The following NALF1 variants were observed in gnomAD, a reference collection of about 807,000 sequenced individuals.
The protein encoded by NALF1 is family with sequence similarity 155 member A.
In NALF1, 3 loss-of-function variants were observed where a neutral mutation model predicts 48.4. The observed-to-expected ratio is 0.06, with a 90% CI of 0.03 to 0.16. The LOEUF is 0.16. NALF1 is among the 10% of genes least tolerant of loss of function. NALF1 has a pLI of 1.00. For synonymous variants in NALF1, 262 were observed against 245.7 expected, an observed-to-expected ratio of 1.07 and a Z score of -0.62; for missense variants, 526 against 571.5, an observed-to-expected ratio of 0.92 and a Z score of 0.81.
intron 1 of NALF1, among the ~76,000 whole-genome samples, chr13:107,658,964 T>C (rs996779118): frequency 2.6e-5 from 4 of 152,122 alleles, no homozygotes; most frequent in African/African-American, 9.7e-5. Flanking sequence ...TTATTCCACC[T>C]GCTCCATAAA....
At chr13:107,770,936 T>C (rs116008417) in intron 1 of NALF1, among the ~76,000 whole-genome samples, 1,578 of 152,332 alleles carry the variant, frequency 0.01, 29 homozygotes, top group African/African-American at 0.033. Flanking sequence ...CTTTGGCCTT[T>C]AGCAGACCTT....
intron 1 of NALF1, among the ~76,000 whole-genome samples, chr13:107,857,612 G>A (rs551479529): frequency 1.3e-5 from 2 of 152,112 alleles, no homozygotes; most frequent in Admixed American, 1.3e-4. Flanking sequence ...TTAAAATAGA[G>A]AAAAAAATTC....
intron 1 of NALF1, among the ~76,000 whole-genome samples, chr13:107,666,497 G>A (rs758549318): frequency 1.3e-5 from 2 of 151,968 alleles, no homozygotes; most frequent in African/African-American, 2.4e-5. Flanking sequence ...GCTAATATAG[G>A]TGCCACCGTT....
chr13:107,741,124 C>T (rs2138544263), intron 1 of NALF1, among the ~76,000 whole-genome samples: 1 of 152,258 alleles, frequency 6.6e-6, no homozygotes, highest in East Asian at 1.9e-4. Context: ...ATTAAGACAA[C>T]TAATTTGTGA....
At chr13:107,562,759 T>A (rs1302015411) in intron 1 of NALF1, among the ~76,000 whole-genome samples, 1 of 152,222 alleles carries the variant, frequency 6.6e-6, no homozygotes, top group African/African-American at 2.4e-5. Flanking sequence ...GCAACCAGAA[T>A]AAATTAAATG....
At chr13:107,178,430 A>G (rs1397092705) in intron 2 of NALF1, among the ~76,000 whole-genome samples, 1 of 152,246 alleles carries the variant, frequency 6.6e-6, no homozygotes, top group Non-Finnish European at 1.5e-5. Context: ...AGACATACAA[A>G]TGGCAAACAG....
chr13:107,439,172 T>C (rs1884515545), intron 1 of NALF1, among the ~76,000 whole-genome samples: 2 of 152,186 alleles, frequency 1.3e-5, no homozygotes, highest in Admixed American at 1.3e-4. Flanking sequence ...ACTTATGTGT[T>C]AATTTAGTAT....
chr13:107,767,383 C>T (rs887460297), intron 1 of NALF1, among the ~76,000 whole-genome samples: 3 of 152,148 alleles, frequency 2.0e-5, no homozygotes, highest in African/African-American at 4.8e-5. Context: ...CAGCAAAGAC[C>T]GATTGTCCCC....
At chr13:107,204,010 GCGCC>G (rs1209973110) in intron 2 of NALF1, among the ~76,000 whole-genome samples, 3 of 132,098 alleles carry the variant, frequency 2.3e-5, no homozygotes, top group African/African-American at 5.4e-5. Flanking sequence ...GCAGAGAGGG[GCGCC>G]CACAAGCTCT....
intron 1 of NALF1, among the ~76,000 whole-genome samples, chr13:107,705,785 AAAC>A (rs1290853693): frequency 2.6e-5 from 4 of 152,194 alleles, no homozygotes; most frequent in South Asian, 2.1e-4. Context: ...GCATAGAAAA[AAAC>A]AACAACAGAT....
At chr13:107,227,459 T>C (rs559614153) in intron 1 of NALF1, among the ~76,000 whole-genome samples, 15 of 152,344 alleles carry the variant, frequency 9.8e-5, no homozygotes, top group Admixed American at 5.9e-4. Context: ...TTTTAAAGCA[T>C]CCAAACAGTG....
chr13:107,558,101 A>ATT (rs5806667), intron 1 of NALF1, among the ~76,000 whole-genome samples: 7 of 150,914 alleles, frequency 4.6e-5, no homozygotes, highest in Non-Finnish European at 8.8e-5. Context: ...TGATTCTGAG[A>ATT]TTTTTCCCTG....
chr13:107,389,134 G>C (rs745478619), intron 1 of NALF1, among the ~76,000 whole-genome samples: 2 of 152,148 alleles, frequency 1.3e-5, no homozygotes, highest in Admixed American at 6.5e-5. Flanking sequence ...GAGTGAGAAT[G>C]CCACATAATT....
chr13:107,564,648 A>G (rs936961364), intron 1 of NALF1, among the ~76,000 whole-genome samples: 2 of 152,146 alleles, frequency 1.3e-5, no homozygotes, highest in South Asian at 2.1e-4. Flanking sequence ...CTTAAACACT[A>G]CAAACTGCTA....
chr13:107,598,285 C>T (rs1251124564), intron 1 of NALF1, among the ~76,000 whole-genome samples: 1 of 152,158 alleles, frequency 6.6e-6, no homozygotes, highest in African/African-American at 2.4e-5. Flanking sequence ...GGTAACAATC[C>T]CTTTTTTCTT....
intron 1 of NALF1, among the ~76,000 whole-genome samples, chr13:107,824,264 A>C (rs1373714685): frequency 1.3e-5 from 2 of 152,038 alleles, no homozygotes; most frequent in Non-Finnish European, 2.9e-5. Flanking sequence ...CCATATCACT[A>C]AATTGTCTGA....
intron 1 of NALF1, among the ~76,000 whole-genome samples, chr13:107,408,817 T>A (rs538160856): frequency 6.6e-6 from 1 of 152,258 alleles, no homozygotes; most frequent in South Asian, 2.1e-4. Flanking sequence ...GGAGAGGTTT[T>A]GCTTAATCAC....
chr13:107,535,446 A>C (rs1450957637), intron 1 of NALF1, among the ~76,000 whole-genome samples: 1 of 152,114 alleles, frequency 6.6e-6, no homozygotes, highest in South Asian at 2.1e-4. Flanking sequence ...ACAAACAGAG[A>C]GCCAAATCAT....
chr13:107,342,051 A>G (rs1882692004), intron 1 of NALF1, among the ~76,000 whole-genome samples: 1 of 152,224 alleles, frequency 6.6e-6, no homozygotes, highest in Non-Finnish European at 1.5e-5. Flanking sequence ...TGCCATAGCC[A>G]GCCAAGCAAC....
Sources: gnomAD v4.1 joint callset for allele counts (sites outside exome capture counted in the v4.1 genomes callset) on GRCh38, gnomAD v4.1.1 for gene constraint, MANE v1.5 for transcripts, NCBI Gene and HGNC (gene_info 2026-07-23, HGNC 2026-07-21) for gene names.